SCLT1: variants seen among roughly 807,000 people sequenced by gnomAD.
SCLT1 encodes sodium channel and clathrin linker 1.
Under a neutral mutation model 112.8 loss-of-function variants are expected in SCLT1, and 78 were observed. The ratio of observed to expected loss-of-function variants is 0.69; its 90% CI spans 0.58 to 0.83. SCLT1 has a LOEUF of 0.83. Ranked by LOEUF, SCLT1 falls within the 40% of genes least tolerant of loss-of-function variation. The pLI is 0.00. For synonymous variants in SCLT1, 257 were observed against 254.7 expected (o/e 1.01, Z -0.09); for missense variants, 747 against 770.4 (o/e 0.97, Z 0.36).
chr4:128,920,647 T>C (rs1479626950), intron 18 of SCLT1, among the ~76,000 whole-genome samples: 1 of 152,186 alleles, frequency 6.6e-6, no homozygotes, highest in Admixed American at 6.5e-5. Flanking sequence ...AAACTAGGCA[T>C]TGAATGAACA....
chr4:129,025,395 C>T (rs901480675), intron 5 of SCLT1, among the ~76,000 whole-genome samples: 6 of 152,156 alleles, frequency 3.9e-5, no homozygotes, highest in Non-Finnish European at 5.9e-5. Flanking sequence ...GGCCAATATT[C>T]AACATTCTTA....
intron 18 of SCLT1, among the ~76,000 whole-genome samples, chr4:128,924,300 C>T (rs1262449385): frequency 6.6e-6 from 1 of 151,406 alleles, no homozygotes; most frequent in African/African-American, 2.4e-5. Context: ...ATATTTGAGA[C>T]AGAGTCTTGC....
chr4:128,932,304 G>A (rs1736839212), intron 18 of SCLT1, among the ~76,000 whole-genome samples: 1 of 151,836 alleles, frequency 6.6e-6, no homozygotes, highest in African/African-American at 2.4e-5. Context: ...GATATTCATG[G>A]CATGAATTAA....
intron 5 of SCLT1, among the ~76,000 whole-genome samples, chr4:129,030,245 G>T (rs1350782145): frequency 2.0e-5 from 3 of 152,052 alleles, no homozygotes; most frequent in Non-Finnish European, 1.5e-5. Flanking sequence ...CAGAAATCAA[G>T]AAGTTCTTTG....
intron 11 of SCLT1, among the ~76,000 whole-genome samples, chr4:128,960,284 T>TAC (rs1452408144): frequency 6.6e-6 from 1 of 152,136 alleles, no homozygotes; most frequent in African/African-American, 2.4e-5. Flanking sequence ...TATATACTCA[T>TAC]ACACATATAC....
At chr4:128,888,001 T>C (rs1733015270) in intron 20 of SCLT1, among the ~76,000 whole-genome samples, 1 of 152,210 alleles carries the variant, frequency 6.6e-6, no homozygotes, top group Admixed American at 6.5e-5. Context: ...AGCAGTGTTG[T>C]GTAACAGAAC....
chr4:129,021,452 G>GCT (rs1745462955), intron 5 of SCLT1, among the ~76,000 whole-genome samples: 1 of 152,152 alleles, frequency 6.6e-6, no homozygotes, highest in African/African-American at 2.4e-5. Flanking sequence ...TTGAAATTTT[G>GCT]GTGCAAGCAC....
At chr4:129,064,313 C>T (rs1750274795) in intron 2 of SCLT1, among the ~76,000 whole-genome samples, 1 of 152,128 alleles carries the variant, frequency 6.6e-6, no homozygotes, top group African/African-American at 2.4e-5. Flanking sequence ...AAGTTTTTAA[C>T]ATTAGTAAAG....
intron 18 of SCLT1, among the ~76,000 whole-genome samples, chr4:128,923,260 A>G (rs1379671576): frequency 2.0e-5 from 3 of 152,102 alleles, no homozygotes; most frequent in Non-Finnish European, 2.9e-5. Flanking sequence ...AGCCTCGCCA[A>G]TATGGTGAAA....
intron 20 of SCLT1, among the ~76,000 whole-genome samples, chr4:128,885,127 A>T (rs1179213237): frequency 6.6e-6 from 1 of 152,238 alleles, no homozygotes; most frequent in Non-Finnish European, 1.5e-5. Context: ...TTTCTAAAAC[A>T]CAAACTAATG....
Position 128,992,243 on chromosome 4 carries a change from A to G in SCLT1, c.616-6T>C. 1.3e-6 allele frequency: 2 copies of G among 1,576,370 alleles called. No individual in the cohort carries two copies. The highest frequency in any genetic ancestry group is 1.7e-6 in the Non-Finnish European group (2 of 1,153,292). ...TTCAGAAACTGTTGGTTAGTCTGCCACAAGAAAAAAAAAGAATCAGTATTA... is the reference window on the plus strand; with the variant it reads ...TTCAGAAACTGTTGGTTAGTCTGCCGCAAGAAAAAAAAAGAATCAGTATTA... On this transcript the variant is annotated splice_region_variant and splice_polypyrimidine_tract_variant and intron_variant, in intron 8 of 20. Transcript: ENST00000281142.
intron 5 of SCLT1, among the ~76,000 whole-genome samples, chr4:129,011,300 T>G (rs1243852058): frequency 6.6e-6 from 1 of 152,220 alleles, no homozygotes; most frequent in Non-Finnish European, 1.5e-5. Context: ...ATTTTTGCTG[T>G]GCTGCTGGAT....
chr4:128,962,390 G>A (rs1739815611), intron 11 of SCLT1, among the ~76,000 whole-genome samples: 1 of 152,106 alleles, frequency 6.6e-6, no homozygotes, highest in Non-Finnish European at 1.5e-5. Context: ...TCTAACCTGT[G>A]TTACAGAATT....
intron 1 of SCLT1, among the ~76,000 whole-genome samples, chr4:129,087,903 T>C (rs1037083554): frequency 7.3e-5 from 11 of 150,516 alleles, no homozygotes; most frequent in Non-Finnish European, 1.2e-4. Context: ...CTGGGAAACA[T>C]AGGGAGACCC....
chr4:128,882,106 A>G (rs1732655282), downstream of SCLT1, among the ~76,000 whole-genome samples: 1 of 152,200 alleles, frequency 6.6e-6, no homozygotes, highest in Non-Finnish European at 1.5e-5. Context: ...TAATACTTAT[A>G]TTCCATTTGC....
intron 4 of SCLT1, chr4:128,875,291 AATCAG>A (rs1172099318): frequency 1.3e-5 from 2 of 152,638 alleles, no homozygotes; most frequent in Non-Finnish European, 2.9e-5. Context: ...AGCAGTCCTG[AATCAG>A]TTGTTTACTG....
chr4:129,004,327 C>G (rs1244841069), intron 5 of SCLT1, among the ~76,000 whole-genome samples: 1 of 152,068 alleles, frequency 6.6e-6, no homozygotes, highest in Non-Finnish European at 1.5e-5. Context: ...GGACTTCTTA[C>G]TAATTCCAGT....
chr4:128,972,696 C>T (rs1740793702), intron 9 of SCLT1, among the ~76,000 whole-genome samples: 1 of 152,188 alleles, frequency 6.6e-6, no homozygotes, highest in African/African-American at 2.4e-5. Flanking sequence ...ATTGTGTATT[C>T]CTTTTTCATT....
At chr4:129,036,485 C>A (rs1000904751) in intron 5 of SCLT1, 8 of 151,760 alleles carry the variant, frequency 5.3e-5, no homozygotes, top group African/African-American at 1.7e-4. Flanking sequence ...AGGAAGAGTA[C>A]ATCCCTGCTT....
Sources: gnomAD v4.1 joint callset for allele counts (sites outside exome capture counted in the v4.1 genomes callset) on GRCh38, gnomAD v4.1.1 for gene constraint, MANE v1.5 for transcripts, NCBI Gene and HGNC (gene_info 2026-07-23, HGNC 2026-07-21) for gene names.